Variants in COL24A1 observed in about 807,000 individuals in gnomAD.
COL24A1 encodes the protein collagen type XXIV alpha 1 chain, also known as collagen alpha-1(XXIV) chain.
COL24A1 carries 224 observed loss-of-function variants against 253.9 expected under a neutral mutation model. That is an observed-to-expected ratio of 0.88 (90% CI 0.79 to 0.99). The LOEUF is 0.99. Among genes scored for constraint, COL24A1 ranks in the 50% least tolerant of loss-of-function variants. The pLI is 0.00. For missense variants in COL24A1, 2,131 were observed against 2,068.5 expected (o/e 1.03, Z -0.59); for synonymous variants, 685 against 673.7 (o/e 1.02, Z -0.26).
chr1:85,867,583 G>A (rs1456549348), intron 37 of COL24A1, among the ~76,000 whole-genome samples: 3 of 152,258 alleles, frequency 2.0e-5, no homozygotes, highest in Middle Eastern at 3.4e-3. Flanking sequence ...ATTTACAGAA[G>A]TAAAGACAAT....
intron 5 of COL24A1, among the ~76,000 whole-genome samples, chr1:86,109,483 TCC>T (rs1327043968): frequency 6.6e-6 from 1 of 152,190 alleles, no homozygotes; most frequent in Non-Finnish European, 1.5e-5. Context: ...AGCATGATTC[TCC>T]CCATTTTACA....
In COL24A1 at chr1:85,906,326, A is replaced by G. The variant is rs1308819638; in HGVS notation, c.2778+868T>C. Among the ~76,000 whole-genome samples the G allele has an allele frequency of 3.6e-5, 4 of 111,856 alleles. No homozygotes were observed. In the East Asian group the frequency reaches 1.2e-3, roughly 32 times the overall value. The allele number at this position is 111,856 out of a possible 152,430, so 73.4% of individuals were successfully genotyped here. On this transcript the variant is annotated intron_variant, in intron 28 of 59. Coordinates refer to ENST00000370571, the MANE Select transcript of COL24A1 (RefSeq NM_152890.7). ...TTTAGAATTTTAAAATATTTTCTTC[A>G]TAAGCTCTAAAACTTAAATCAAAGT...
intron 13 of COL24A1, among the ~76,000 whole-genome samples, chr1:86,032,170 G>C (rs1698627014): frequency 1.3e-5 from 2 of 152,148 alleles, no homozygotes; most frequent in South Asian, 4.1e-4. Context: ...CCTAGCTTAA[G>C]CAGAGTCCCC....
At chr1:85,755,087 C>T (rs1455225376) in intron 55 of COL24A1, among the ~76,000 whole-genome samples, 4 of 152,068 alleles carry the variant, frequency 2.6e-5, no homozygotes, top group Non-Finnish European at 5.9e-5. Context: ...GATCTTCAAC[C>T]AGATTAACAG....
intron 7 of COL24A1, among the ~76,000 whole-genome samples, chr1:86,081,113 T>C (rs936033030): frequency 6.6e-6 from 1 of 152,134 alleles, no homozygotes; most frequent in African/African-American, 2.4e-5. Flanking sequence ...TAAAGCATCA[T>C]TTATTTGAAA....
chr1:85,904,465 T>C (rs1684615105), intron 28 of COL24A1, among the ~76,000 whole-genome samples: 1 of 152,196 alleles, frequency 6.6e-6, no homozygotes, highest in African/African-American at 2.4e-5. Flanking sequence ...ATCTTTCTGG[T>C]ACTGAATTAG....
intron 53 of COL24A1, among the ~76,000 whole-genome samples, chr1:85,770,005 C>A (rs1667783519): frequency 6.6e-6 from 1 of 152,102 alleles, no homozygotes; most frequent in Admixed American, 6.6e-5. Context: ...GGAGAGGATA[C>A]TGGGGAGGCA....
At chr1:85,844,394 C>A (rs757990226) in intron 39 of COL24A1, among the ~76,000 whole-genome samples, 5 of 151,792 alleles carry the variant, frequency 3.3e-5, no homozygotes, top group Non-Finnish European at 7.4e-5. Flanking sequence ...CATAAAAATA[C>A]GGGAATATGG....
intron 22 of COL24A1, among the ~76,000 whole-genome samples, chr1:85,965,308 G>C (rs1691457067): frequency 6.6e-6 from 1 of 151,946 alleles, no homozygotes; most frequent in Non-Finnish European, 1.5e-5. Context: ...TGCCCTCATA[G>C]AGCTTGTATT....
At chr1:85,987,523 A>C in intron 20 of COL24A1, 78 bp downstream of exon 20, 1 of 1,243,592 alleles carries the variant, frequency 8.0e-7, no homozygotes, top group African/African-American at 1.5e-5. Context: ...TATTCCTAAA[A>C]TATTTTTCCC....
At chr1:85,942,048 T>G (rs553970857) in intron 24 of COL24A1, among the ~76,000 whole-genome samples, 19 of 152,306 alleles carry the variant, frequency 1.2e-4, no homozygotes, top group African/African-American at 4.6e-4. Context: ...AAGTATTTAC[T>G]TGTTTAAGTT....
In COL24A1 at chr1:86,133,336, C is replaced by T. The variant is rs143006186; in HGVS notation, c.122-7122G>A. Among the ~76,000 whole-genome samples, 795 of 152,134 alleles carry T rather than the reference C, an allele frequency of 5.2e-3. 14 individuals are homozygous for T. The East Asian group carries it at 0.065, about 12-fold the overall frequency. ...ACTTCCTCTTTTCCTAATTGAATACCCTTTATTTCCTTCTCCTGCATGATT... is the reference window on the plus strand; with the variant it reads ...ACTTCCTCTTTTCCTAATTGAATACTCTTTATTTCCTTCTCCTGCATGATT... On this transcript the variant is annotated intron_variant, in intron 2 of 59. Coordinates refer to ENST00000370571, the MANE Select transcript of COL24A1 (RefSeq NM_152890.7).
At chr1:85,972,770 A>G (rs112536761) in intron 20 of COL24A1, among the ~76,000 whole-genome samples, 4 of 152,322 alleles carry the variant, frequency 2.6e-5, no homozygotes, top group Non-Finnish European at 4.4e-5. Context: ...AAGGGACCCA[A>G]TTCAGCCCAA....
intron 24 of COL24A1, among the ~76,000 whole-genome samples, chr1:85,954,184 A>T (rs78674714): frequency 1.3e-5 from 2 of 152,298 alleles, no homozygotes; most frequent in East Asian, 3.9e-4. Context: ...ACACCAGTAC[A>T]TGAATGCTAG....
Position 85,781,227 on chromosome 1 carries a change from C to G in COL24A1, c.4331G>C (p.Gly1444Ala). ...LGREGIIGPTGRTGPRGEKGF... is the reference protein window; with the variant it reads ...LGREGIIGPTARTGPRGEKGF... ...GTATTATGATAAACTTACAGTTCTA[C>G]CTGTTGGGCCTATTATACCTTCTCT... The change falls in exon 52 of 60, where the codon GGT becomes GCT. Residue 1444 changes from glycine (G) to alanine (A), a missense_variant. Gly to Ala is a moderately conservative substitution (Grantham distance 60). Transcript: ENST00000370571. 2 of 1,600,364 alleles carry G rather than the reference C, an allele frequency of 1.2e-6. No homozygotes were observed. Among genetic ancestry groups the G allele is most frequent in the Non-Finnish European group, 1.7e-6 (2 of 1,173,416 alleles).
chr1:85,882,639 C>A (rs527819237), intron 32 of COL24A1, among the ~76,000 whole-genome samples: 1 of 152,046 alleles, frequency 6.6e-6, no homozygotes, highest in Non-Finnish European at 1.5e-5. Context: ...AGTTGACTTA[C>A]GGTACTAACT....
intron 3 of COL24A1, among the ~76,000 whole-genome samples, chr1:86,117,554 G>GA (rs34645236): frequency 2.0e-5 from 3 of 152,036 alleles, no homozygotes; most frequent in African/African-American, 4.8e-5. Flanking sequence ...GGGGGAAAAA[G>GA]AGGTATAGTT....
At chr1:85,910,612 T>A (rs370876903) in intron 25 of COL24A1, among the ~76,000 whole-genome samples, 13 of 152,052 alleles carry the variant, frequency 8.5e-5, no homozygotes, top group African/African-American at 3.1e-4. Context: ...TAATGCAAAA[T>A]TTTTTAACTG....
chr1:85,838,304 T>C (rs1246000525), intron 43 of COL24A1, among the ~76,000 whole-genome samples: 1 of 152,166 alleles, frequency 6.6e-6, no homozygotes. Context: ...TCGAGTAATA[T>C]GGTCCAGAGT....
Sources: gnomAD v4.1 joint callset for allele counts (sites outside exome capture counted in the v4.1 genomes callset) on GRCh38, gnomAD v4.1.1 for gene constraint, MANE v1.5 for transcripts, NCBI Gene and HGNC (gene_info 2026-07-23, HGNC 2026-07-21) for gene names.